Variants in RABEP1 observed in about 807,000 individuals in gnomAD.
The protein encoded by RABEP1 is rabaptin, RAB GTPase binding effector protein 1, also known as rab GTPase-binding effector protein 1.
A neutral mutation model predicts 123.4 loss-of-function variants in RABEP1; 51 were observed. The ratio of observed to expected loss-of-function variants is 0.41; its 90% CI spans 0.33 to 0.52. RABEP1 has a LOEUF of 0.52. RABEP1 is among the 20% of genes least tolerant of loss of function. The pLI is 0.16. For missense variants in RABEP1, 888 were observed against 996.3 expected (o/e 0.89, Z 1.46); for synonymous variants, 347 against 355.2 (o/e 0.98, Z 0.26).
intron 1 of RABEP1, among the ~76,000 whole-genome samples, chr17:5,308,076 A>C (rs144877623): frequency 1.4e-4 from 21 of 152,332 alleles, no homozygotes; most frequent in Non-Finnish European, 2.5e-4. Flanking sequence ...AATATTTAAC[A>C]GTTCTAAAAT....
In RABEP1 at chr17:5,361,499, C is replaced by T. The variant is rs1909532742; in HGVS notation, c.1387C>T (p.Pro463Ser). 2 of 1,614,138 alleles carry T rather than the reference C, an allele frequency of 1.2e-6. No individual in the cohort carries two copies. Among genetic ancestry groups the T allele is most frequent in the Admixed American group, 1.7e-5 (1 of 60,006 alleles). The change falls in exon 9 of 18, where the codon CCA (proline) becomes TCA (serine). Residue 463 changes from proline (P) to serine (S), a missense_variant. Transcript: ENST00000537505. ...TGCATCCCTTGGGTCACTCCAGATG[C>T]CAAGTGGGTTTATGTTAACCAAAGA... The part of the protein sequence containing the change: ...DTASLGSLQM[P>S]SGFMLTKDQE...
chr17:5,337,708 T>C (rs896975528), intron 4 of RABEP1, among the ~76,000 whole-genome samples: 1 of 151,974 alleles, frequency 6.6e-6, no homozygotes, highest in African/African-American at 2.4e-5. Flanking sequence ...AAAAAATTTA[T>C]TTATTATGTG....
chr17:5,287,792 GTCCCAGCTACTCA>G (rs1567861700), intron 1 of RABEP1, among the ~76,000 whole-genome samples: 1 of 151,596 alleles, frequency 6.6e-6, no homozygotes, highest in Non-Finnish European at 1.5e-5. Context: ...TGTGCCTCTA[GTCCCAGCTACTCA>G]GGAGGCTGAG....
intron 13 of RABEP1, among the ~76,000 whole-genome samples, chr17:5,375,112 T>TC (rs1555526066): frequency 2.0e-5 from 3 of 151,764 alleles, no homozygotes; most frequent in African/African-American, 7.3e-5. Context: ...TTTTTTTTTT[T>TC]TTTTCCTTTT....
At chr17:5,370,522 A>G (rs1201078349) in intron 12 of RABEP1, among the ~76,000 whole-genome samples, 1 of 152,252 alleles carries the variant, frequency 6.6e-6, no homozygotes, top group East Asian at 1.9e-4. Context: ...TTTCATCTAG[A>G]ACAGTCTCCC....
chr17:5,353,664 A>C (rs1275287988), intron 7 of RABEP1, among the ~76,000 whole-genome samples: 1 of 152,072 alleles, frequency 6.6e-6, no homozygotes, highest in Non-Finnish European at 1.5e-5. Flanking sequence ...CCAGGACAAC[A>C]GCGTGAGACC....
At chr17:5,347,177 A>G (rs1007749420) in intron 6 of RABEP1, among the ~76,000 whole-genome samples, 3 of 152,192 alleles carry the variant, frequency 2.0e-5, no homozygotes, top group African/African-American at 4.8e-5. Context: ...TGGGAGGCCA[A>G]GGTGGGCAGA....
Position 5,380,419 on chromosome 17 carries a change from A to T in RABEP1, c.2327A>T (p.Lys776Met). The stretch of plus-strand genomic sequence containing the variant: ...CAGCTTGAGAGTCTTCAGGAAATAA[A>T]GATCAGTTTGGAAGAGCAGTTAAAG... ...SQQLESLQEI[K>M]ISLEEQLKKE... Residue 776 changes from lysine (K) to methionine (M), a missense_variant, in exon 16 of 18, where the codon AAG becomes ATG. Lys to Met is a moderately conservative substitution (Grantham distance 95). Transcript: ENST00000537505. The T allele has an allele frequency of 6.4e-7, 1 of 1,571,380 alleles. No individual in the cohort carries two copies. Among genetic ancestry groups the T allele is most frequent in the Non-Finnish European group, 8.6e-7 (1 of 1,156,676 alleles).
At chr17:5,288,312 C>T (rs2144438411) in intron 1 of RABEP1, among the ~76,000 whole-genome samples, 1 of 152,168 alleles carries the variant, frequency 6.6e-6, no homozygotes, top group South Asian at 2.1e-4. Flanking sequence ...ATGGGCTGGC[C>T]TGAGGGGTCT....
At chr17:5,367,281 A>G (rs1910084985) in intron 11 of RABEP1, among the ~76,000 whole-genome samples, 1 of 142,778 alleles carries the variant, frequency 7.0e-6, no homozygotes, top group Non-Finnish European at 1.5e-5. Flanking sequence ...CAGTGTAGAT[A>G]AGGGTAAAAC....
At chr17:5,305,616 G>T (rs1450978500) in intron 1 of RABEP1, among the ~76,000 whole-genome samples, 1 of 152,010 alleles carries the variant, frequency 6.6e-6, no homozygotes, top group Non-Finnish European at 1.5e-5. Context: ...AAGAACAGAG[G>T]GATTTTGGTT....
chr17:5,357,112 G>A (rs962448942), intron 8 of RABEP1, among the ~76,000 whole-genome samples: 3 of 151,958 alleles, frequency 2.0e-5, no homozygotes, highest in South Asian at 2.1e-4. Context: ...TCCTGATCTC[G>A]TGATCCACCC....
intron 6 of RABEP1, among the ~76,000 whole-genome samples, chr17:5,347,989 T>C (rs1177208639): frequency 6.6e-6 from 1 of 152,190 alleles, no homozygotes; most frequent in Non-Finnish European, 1.5e-5. Context: ...ATAGAGTCTT[T>C]TTTTTGAGAC....
intron 7 of RABEP1, among the ~76,000 whole-genome samples, chr17:5,352,536 AG>A (rs1475897567): frequency 6.6e-6 from 1 of 151,108 alleles, no homozygotes; most frequent in African/African-American, 2.4e-5. Context: ...GCCCATTAAA[AG>A]AGTCTAAACT....
At chr17:5,373,726 A>ACACG (rs1910732404) in intron 13 of RABEP1, among the ~76,000 whole-genome samples, 1 of 149,554 alleles carries the variant, frequency 6.7e-6, no homozygotes, top group African/African-American at 2.5e-5. Context: ...ACACACACAC[A>ACACG]CACACACACA....
At chr17:5,381,346 G>A (rs370409275) in intron 16 of RABEP1, 43 bp from the exon 17 acceptor site, 31 of 1,592,292 alleles carry the variant, frequency 1.9e-5, no homozygotes, top group African/African-American at 1.5e-4. Context: ...TAAGTAATTC[G>A]GCCCTTTGGC....
intron 8 of RABEP1, among the ~76,000 whole-genome samples, chr17:5,359,053 C>T (rs549206906): frequency 5.9e-5 from 9 of 151,616 alleles, no homozygotes; most frequent in East Asian, 1.9e-4. Context: ...TGAGCTACTG[C>T]GCCAGGCCTG....
At chr17:5,374,446 T>C (rs1332356040) in intron 13 of RABEP1, among the ~76,000 whole-genome samples, 1 of 151,700 alleles carries the variant, frequency 6.6e-6, no homozygotes, top group Admixed American at 6.6e-5. Context: ...TTTTTAATTT[T>C]TATTTTTTGA....
intron 2 of RABEP1, among the ~76,000 whole-genome samples, chr17:5,317,733 T>C (rs1038605388): frequency 2.6e-5 from 4 of 152,134 alleles, no homozygotes; most frequent in African/African-American, 9.7e-5. Context: ...AGCTGACTGA[T>C]GGCTGGCAGC....
Sources: allele counts gnomAD v4.1 joint callset (sites outside exome capture counted in the v4.1 genomes callset), GRCh38; gene constraint gnomAD v4.1.1; transcripts MANE v1.5; gene names NCBI Gene and HGNC (gene_info 2026-07-23, HGNC 2026-07-21).